Variants in TTLL11 observed in about 807,000 individuals in gnomAD.
TTLL11 encodes tubulin polyglutamylase TTLL11.
TTLL11 carries 42 observed loss-of-function variants against 51.7 expected under a neutral mutation model. The observed-to-expected ratio is 0.81, with a 90% CI of 0.64 to 1.05. TTLL11 has a LOEUF of 1.05. TTLL11 is among the 50% of genes least tolerant of loss of function. The pLI, the probability that TTLL11 is intolerant of heterozygous loss-of-function variation, is 0.00. For missense variants in TTLL11, 799 were observed against 940.4 expected (o/e 0.85, Z 1.97); for synonymous variants, 381 against 383.5 (o/e 0.99, Z 0.08).
At chr9:121,977,003 C>T (rs1842727122) in intron 4 of TTLL11, among the ~76,000 whole-genome samples, 1 of 152,110 alleles carries the variant, frequency 6.6e-6, no homozygotes, top group Admixed American at 6.6e-5. Flanking sequence ...CGTTTATCAT[C>T]CTTAGTCATC....
At chr9:121,993,576 C>T (rs915962001) in intron 3 of TTLL11, among the ~76,000 whole-genome samples, 1 of 152,210 alleles carries the variant, frequency 6.6e-6, no homozygotes, top group African/African-American at 2.4e-5. Flanking sequence ...GGCTGCGTTA[C>T]AAACACACAA....
In TTLL11 at chr9:121,819,036, A is replaced by G; in HGVS notation, c.*3551T>C. The G allele has an allele frequency of 6.5e-6, 1 of 152,896 alleles. No homozygotes were observed. Among genetic ancestry groups the G allele is most frequent in the East Asian group, 1.9e-4 (1 of 5,172 alleles). 9.5% of individuals were successfully genotyped at this position (152,896 alleles called of 1,614,324 possible). On this transcript the variant is annotated 3_prime_UTR_variant, in exon 9 of 9. Coordinates refer to ENST00000321582, the MANE Select transcript of TTLL11 (RefSeq NM_001139442.2). The stretch of plus-strand genomic sequence containing the variant: ...GAGAGACCGTGTCCGAGTTTGGGGG[A>G]CTGGACAGAGGCTGGGAGGAGAAGT...
chr9:121,960,445 C>T (rs1420474784), intron 6 of TTLL11, among the ~76,000 whole-genome samples: 1 of 152,138 alleles, frequency 6.6e-6, no homozygotes, highest in Non-Finnish European at 1.5e-5. Context: ...CATGTCCTGT[C>T]CTGCCTTGCA....
At chr9:121,968,523 G>T (rs564916115) in intron 6 of TTLL11, among the ~76,000 whole-genome samples, 2 of 152,140 alleles carry the variant, frequency 1.3e-5, no homozygotes, top group Admixed American at 6.5e-5. Flanking sequence ...ACTAAGCATT[G>T]TTTTTTCTTT....
At chr9:122,007,978 T>A (rs1384552603) in intron 3 of TTLL11, among the ~76,000 whole-genome samples, 1 of 152,174 alleles carries the variant, frequency 6.6e-6, no homozygotes, top group African/African-American at 2.4e-5. Flanking sequence ...ATCATGTGCC[T>A]CCAGATATGA....
intron 8 of TTLL11, among the ~76,000 whole-genome samples, chr9:121,842,032 G>T (rs79364932): frequency 0.011 from 1,671 of 152,088 alleles, 36 homozygotes; most frequent in African/African-American, 0.038. Context: ...CACCTCTCAG[G>T]GGGCAAAGGA....
intron 6 of TTLL11, among the ~76,000 whole-genome samples, chr9:121,881,402 A>G (rs1431607568): frequency 6.6e-6 from 1 of 152,196 alleles, no homozygotes; most frequent in East Asian, 1.9e-4. Context: ...ATTCTCTTCT[A>G]TACACTGAGC....
At chr9:122,053,395 G>A (rs532900834) in intron 1 of TTLL11, among the ~76,000 whole-genome samples, 2 of 152,254 alleles carry the variant, frequency 1.3e-5, no homozygotes, top group East Asian at 1.9e-4. Flanking sequence ...GATGTCCCAC[G>A]TGCCTGGAGC....
At chr9:122,007,657 C>T (rs1843695497) in intron 3 of TTLL11, among the ~76,000 whole-genome samples, 1 of 152,114 alleles carries the variant, frequency 6.6e-6, no homozygotes, top group Non-Finnish European at 1.5e-5. Context: ...ATAGTTAAAT[C>T]AGAAGGCAAA....
chr9:122,087,693 T>A (rs145806023), intron 1 of TTLL11, among the ~76,000 whole-genome samples: 1 of 152,236 alleles, frequency 6.6e-6, no homozygotes, highest in East Asian at 1.9e-4. Context: ...TGGCGTCTAC[T>A]CTCTATGGTG....
At chr9:122,009,285 T>C (rs1295867137) in intron 3 of TTLL11, among the ~76,000 whole-genome samples, 1 of 152,216 alleles carries the variant, frequency 6.6e-6, no homozygotes, top group Non-Finnish European at 1.5e-5. Flanking sequence ...AAACAACATG[T>C]TGTACATGAT....
intron 6 of TTLL11, among the ~76,000 whole-genome samples, chr9:121,932,685 T>C (rs1052050812): frequency 6.8e-6 from 1 of 147,922 alleles, no homozygotes; most frequent in Non-Finnish European, 1.5e-5. Flanking sequence ...TAGATCTAGA[T>C]AACCCACTTT....
At chr9:121,922,745 G>A (rs887684032) in intron 6 of TTLL11, among the ~76,000 whole-genome samples, 1 of 133,978 alleles carries the variant, frequency 7.5e-6, no homozygotes, top group African/African-American at 2.7e-5. Context: ...TAGCGCAAAG[G>A]GTCAATATCT....
At chr9:121,863,332 GC>G (rs753873695) in intron 7 of TTLL11, among the ~76,000 whole-genome samples, 11 of 152,194 alleles carry the variant, frequency 7.2e-5, no homozygotes, top group African/African-American at 1.2e-4. Context: ...ATTAGGAACA[GC>G]CACAGTGTCC....
chr9:121,957,384 G>T (rs557676260), intron 6 of TTLL11, among the ~76,000 whole-genome samples: 1 of 152,032 alleles, frequency 6.6e-6, no homozygotes, highest in Non-Finnish European at 1.5e-5. Flanking sequence ...ACATCTCCCC[G>T]CCCCCTCTTT....
At chr9:121,987,453 C>A (rs577584937) in intron 4 of TTLL11, among the ~76,000 whole-genome samples, 1 of 152,146 alleles carries the variant, frequency 6.6e-6, no homozygotes, top group Non-Finnish European at 1.5e-5. Context: ...CGTCTCCCCA[C>A]CCTGCACTGT....
At chr9:121,996,450 T>TAC (rs748023154) in intron 3 of TTLL11, among the ~76,000 whole-genome samples, 8 of 151,678 alleles carry the variant, frequency 5.3e-5, no homozygotes, top group South Asian at 2.1e-4. Flanking sequence ...GAATCATCAC[T>TAC]ACACACACAC....
chr9:121,897,640 A>ACACACACACACACGCG (rs111331446), intron 6 of TTLL11, among the ~76,000 whole-genome samples: 15 of 139,390 alleles, frequency 1.1e-4, no homozygotes, highest in African/African-American at 2.4e-4. Context: ...ACACACACAC[A>ACACACACACACACGCG]CGCGCGCGCG....
chr9:122,039,776 T>A (rs1844792087), intron 1 of TTLL11, among the ~76,000 whole-genome samples: 1 of 151,960 alleles, frequency 6.6e-6, no homozygotes, highest in East Asian at 1.9e-4. Context: ...TCTATCCAAA[T>A]TCCAAGCCCA....
Sources: gnomAD v4.1 joint callset for allele counts (sites outside exome capture counted in the v4.1 genomes callset) on GRCh38, gnomAD v4.1.1 for gene constraint, MANE v1.5 for transcripts, NCBI Gene and HGNC (gene_info 2026-07-23, HGNC 2026-07-21) for gene names.